The following ADGRV1 variants were observed in gnomAD, a reference collection of about 807,000 sequenced individuals.
ADGRV1 encodes the protein adhesion G protein-coupled receptor V1.
In ADGRV1, 359 loss-of-function variants were observed where a neutral mutation model predicts 596.2. The ratio of observed to expected loss-of-function variants is 0.60; its 90% CI spans 0.55 to 0.66. The LOEUF is 0.66. Ranked by LOEUF, ADGRV1 falls within the 30% of genes least tolerant of loss-of-function variation. The pLI is 0.00. For missense variants in ADGRV1, 7,274 were observed against 7,575.6 expected, an observed-to-expected ratio of 0.96 and a Z score of 1.48; for synonymous variants, 2,681 against 2,679.2, an observed-to-expected ratio of 1.00 and a Z score of -0.02.
intron 77 of ADGRV1, among the ~76,000 whole-genome samples, chr5:90,834,095 C>G (rs1384243363): frequency 6.6e-6 from 1 of 152,076 alleles, no homozygotes; most frequent in Non-Finnish European, 1.5e-5. Context: ...TATATACTGT[C>G]TATGTCTAGA....
At chr5:90,915,670 G>T (rs549759045) in intron 83 of ADGRV1, among the ~76,000 whole-genome samples, 4 of 152,102 alleles carry the variant, frequency 2.6e-5, no homozygotes, top group Admixed American at 6.5e-5. Flanking sequence ...TGCTACCAAG[G>T]GGGTGCTGCT....
At chr5:90,927,424 A>G (rs10045125) in intron 83 of ADGRV1, among the ~76,000 whole-genome samples, 42,008 of 151,766 alleles carry the variant, frequency 0.28, 6,285 homozygotes, top group Non-Finnish European at 0.34. Flanking sequence ...TTGTTGGTTT[A>G]AAGTCTGTTT....
intron 82 of ADGRV1, among the ~76,000 whole-genome samples, chr5:90,861,318 T>G (rs997304125): frequency 4.6e-5 from 7 of 152,002 alleles, no homozygotes; most frequent in African/African-American, 1.7e-4. Context: ...TTTTTTTGTT[T>G]TTGTTTTTGG....
At chr5:90,711,456 G>T in intron 41 of ADGRV1, 134 bp downstream of exon 41, 1 of 627,112 alleles carries the variant, frequency 1.6e-6, no homozygotes, top group Non-Finnish European at 2.5e-6. Context: ...CAGTAAATTA[G>T]GACAGAAGAT....
At chr5:91,099,791 G>C (rs1213485553) in intron 86 of ADGRV1, among the ~76,000 whole-genome samples, 1 of 152,086 alleles carries the variant, frequency 6.6e-6, no homozygotes, top group Non-Finnish European at 1.5e-5. Flanking sequence ...CGTGATGTTG[G>C]GTTGGAATTA....
intron 29 of ADGRV1, 122 bp from the exon 30 acceptor site, chr5:90,689,739 A>G (rs1445804766): frequency 3.0e-6 from 2 of 656,258 alleles, no homozygotes; most frequent in East Asian, 5.5e-5. Context: ...TGTAGTCAAT[A>G]TCCTCAAAAA....
chr5:90,864,264 G>A (rs1320782546), intron 83 of ADGRV1, among the ~76,000 whole-genome samples: 1 of 152,066 alleles, frequency 6.6e-6, no homozygotes, highest in Non-Finnish European at 1.5e-5. Context: ...ACTATGTATT[G>A]TTTCTTATAA....
At chr5:90,709,059 C>G (rs1748981335) in intron 39 of ADGRV1, 150 bp downstream of exon 39, 1 of 530,072 alleles carries the variant, frequency 1.9e-6, no homozygotes, top group East Asian at 3.0e-5. Flanking sequence ...TTTTGATACT[C>G]TCATATATTG....
chr5:90,817,263 G>GT (rs1297969065), intron 75 of ADGRV1, among the ~76,000 whole-genome samples: 4 of 147,904 alleles, frequency 2.7e-5, no homozygotes, highest in East Asian at 1.9e-4. Context: ...GGGGTTGTTT[G>GT]TTTTTTTTCT....
Position 90,705,464 on chromosome 5 carries a change from A to C in ADGRV1, c.8451A>C (p.Glu2817Asp). 1 of 1,613,968 alleles carries C rather than the reference A, an allele frequency of 6.2e-7. No individual in the cohort carries two copies. Among genetic ancestry groups the C allele is most frequent in the Non-Finnish European group, 8.5e-7 (1 of 1,179,828 alleles). The change falls in exon 37 of 90, where the codon GAA becomes GAC. Residue 2817 changes from glutamate (E) to aspartate (D), a missense_variant. By Grantham distance (45) the Glu-to-Asp change is conservative. This residue lies in a region of ADGRV1 where 3,643 missense variants were observed against 3,809.2 expected (regional missense o/e 0.96). Coordinates refer to ENST00000405460, the MANE Select transcript of ADGRV1 (RefSeq NM_032119.4). The stretch of plus-strand genomic sequence containing the variant: ...GATATGCAGCTGTCCTCACAGTAGA[A>C]GCCAGTGATGAACCACATGGAGTTT... Reference protein sequence around the residue: ...AQGYAAVLTVEASDEPHGVLN... With the variant: ...AQGYAAVLTVDASDEPHGVLN...
chr5:90,685,510 A>G (rs1745486788), intron 28 of ADGRV1, among the ~76,000 whole-genome samples: 6 of 151,960 alleles, frequency 3.9e-5, no homozygotes, highest in Admixed American at 3.9e-4. Flanking sequence ...GCTTGAACTC[A>G]GGAAGCGGAG....
At chr5:90,929,088 T>G (rs1774906797) in intron 83 of ADGRV1, among the ~76,000 whole-genome samples, 1 of 151,542 alleles carries the variant, frequency 6.6e-6, no homozygotes, top group Admixed American at 6.6e-5. Context: ...TCTTTTTGTT[T>G]GTCTGTGCCC....
chr5:90,890,107 T>G (rs1422289225), intron 83 of ADGRV1, among the ~76,000 whole-genome samples: 1 of 152,212 alleles, frequency 6.6e-6, no homozygotes, highest in African/African-American at 2.4e-5. Flanking sequence ...TTTGATTCCA[T>G]ATTTTTAAAT....
At chr5:90,687,343 A>G (rs1013499259) in intron 29 of ADGRV1, among the ~76,000 whole-genome samples, 19 of 152,232 alleles carry the variant, frequency 1.2e-4, no homozygotes, top group Non-Finnish European at 2.5e-4. Context: ...TTATGGTTTT[A>G]GGTCTAACGT....
chr5:90,976,216 G>GTATATATA (rs150711342), intron 84 of ADGRV1, among the ~76,000 whole-genome samples: 3 of 139,478 alleles, frequency 2.2e-5, no homozygotes, highest in East Asian at 4.1e-4. Flanking sequence ...GTGTGAGTGT[G>GTATATATA]TATATATATA....
chr5:91,060,398 AT>A lies in ADGRV1; in HGVS notation c.18153-12038del, dbSNP rs1554210690. Among the ~76,000 whole-genome samples, 972 of 60,512 alleles carry A rather than the reference AT, an allele frequency of 0.016. 48 individuals carry two copies. The East Asian group carries it at 0.18, about 11-fold the overall frequency. 39.7% of individuals were successfully genotyped at this position (60,512 alleles called of 152,430 possible). A position where few individuals can be genotyped will look rare whatever the true frequency, so the allele number is the denominator to read the frequency against. On this transcript the variant is annotated intron_variant, in intron 85 of 89. Transcript: ENST00000405460. ...TGTGTGTATATATATATATATATAT[AT>A]TTTTTTTTTTAATAGAGACGAGGTT...
At chr5:90,958,393 CA>C (rs1277392557) in intron 83 of ADGRV1, among the ~76,000 whole-genome samples, 1 of 151,740 alleles carries the variant, frequency 6.6e-6, no homozygotes, top group Non-Finnish European at 1.5e-5. Context: ...TATCAATTCT[CA>C]ATAAACTCCC....
At chr5:90,587,717 C>T (rs1348809210) in intron 1 of ADGRV1, among the ~76,000 whole-genome samples, 10 of 151,908 alleles carry the variant, frequency 6.6e-5, no homozygotes, top group Admixed American at 6.6e-4. Context: ...GCCACCATGC[C>T]CAGCTAATTT....
chr5:90,896,793 A>G (rs373170103), intron 83 of ADGRV1, among the ~76,000 whole-genome samples: 31 of 152,320 alleles, frequency 2.0e-4, no homozygotes, highest in East Asian at 1.9e-3. Flanking sequence ...AGTAAATACT[A>G]TGATCTCTCA....
Sources: gnomAD v4.1 joint callset for allele counts (sites outside exome capture counted in the v4.1 genomes callset) on GRCh38, gnomAD v4.1.1 for gene constraint, gnomAD v4.1.1 regional missense constraint, MANE v1.5 for transcripts, NCBI Gene and HGNC (gene_info 2026-07-23, HGNC 2026-07-21) for gene names.